Variants in DIS3L2 observed in about 807,000 individuals in gnomAD.
DIS3L2 encodes DIS3 like 3'-5' exoribonuclease 2.
In DIS3L2, 34 loss-of-function variants were observed where a neutral mutation model predicts 97.5. That is an observed-to-expected ratio of 0.35 (90% CI 0.27 to 0.46). The LOEUF (loss-of-function observed/expected upper bound fraction) is 0.46, where lower values mean the gene tolerates loss of function less well. Ranked by LOEUF, DIS3L2 falls within the 20% of genes least tolerant of loss-of-function variation. The probability of loss-of-function intolerance (pLI) is 1.00; values close to 1 mark genes in which losing one functional copy is unlikely to be tolerated. For synonymous variants in DIS3L2, 435 were observed against 445.2 expected (o/e 0.98, Z 0.29); for missense variants, 1,038 against 1,146.0 (o/e 0.91, Z 1.36).
rs1166379272 is a variant in DIS3L2 at position 232,015,001 on chromosome 2, C to T, written c.52+22C>T. The T allele has an allele frequency of 4.3e-6, 7 of 1,613,336 alleles. No individual in the cohort carries two copies. The East Asian group carries it at 1.6e-4, about 36-fold the overall frequency. The stretch of plus-strand genomic sequence containing the variant: ...AGAGGTAGTAAAAGGAAAATGGAGT[C>T]TGCCTGAATAACTGGAGAACTGAAA... On this transcript the variant is annotated intron_variant, in intron 2 of 20. Coordinates refer to ENST00000325385, the MANE Select transcript of DIS3L2 (RefSeq NM_152383.5).
intron 6 of DIS3L2, among the ~76,000 whole-genome samples, chr2:232,094,186 T>C (rs898061045): frequency 2.6e-5 from 4 of 152,176 alleles, no homozygotes; most frequent in Non-Finnish European, 5.9e-5. Context: ...GAAGATACTT[T>C]ATACTATTTC....
chr2:232,332,370 A>C (rs1695763538), intron 16 of DIS3L2, among the ~76,000 whole-genome samples: 1 of 152,164 alleles, frequency 6.6e-6, no homozygotes, highest in African/African-American at 2.4e-5. Flanking sequence ...GCCCGTGTGC[A>C]CAGAGTAACG....
rs577182797 is a variant in DIS3L2, at chr2:232,195,210, C to T, written c.1125-15116C>T. Among the ~76,000 whole-genome samples, 5 of 152,246 alleles carry T rather than the reference C, an allele frequency of 3.3e-5. No homozygotes were observed. The South Asian group carries it at 6.2e-4, about 19-fold the overall frequency. ...ATACTCAATTTAATAATAGAATCCC[C>T]GATTATCCTGAAATACAGCTGAAAT... is the stretch of plus-strand genomic sequence containing the variant. On this transcript the variant is annotated intron_variant, in intron 9 of 20. Coordinates refer to ENST00000325385, the MANE Select transcript of DIS3L2 (RefSeq NM_152383.5).
chr2:231,980,205 C>T (rs982813226), intron 1 of DIS3L2, among the ~76,000 whole-genome samples: 5 of 152,138 alleles, frequency 3.3e-5, no homozygotes, highest in African/African-American at 1.2e-4. Flanking sequence ...ATGTGAAATT[C>T]ACATCACATA....
At chr2:232,138,694 G>A (rs1250162713) in intron 8 of DIS3L2, among the ~76,000 whole-genome samples, 2 of 151,984 alleles carry the variant, frequency 1.3e-5, no homozygotes, top group Non-Finnish European at 2.9e-5. Flanking sequence ...CCTTATCTTT[G>A]CCAGGCTTTG....
chr2:232,342,367 T>C (rs1166055258), intron 13 of DIS3L2, among the ~76,000 whole-genome samples: 1 of 151,984 alleles, frequency 6.6e-6, no homozygotes, highest in Non-Finnish European at 1.5e-5. Context: ...GCAACAGTGG[T>C]AAATAGTAAA....
chr2:232,324,833 T>C (rs1695529373), intron 14 of DIS3L2, among the ~76,000 whole-genome samples: 1 of 152,156 alleles, frequency 6.6e-6, no homozygotes, highest in Admixed American at 6.5e-5. Context: ...CAAATTGAGA[T>C]TACATGAGCT....
intron 9 of DIS3L2, among the ~76,000 whole-genome samples, chr2:232,200,060 T>C (rs1691849008): frequency 1.3e-5 from 2 of 152,002 alleles, no homozygotes; most frequent in South Asian, 4.1e-4. Context: ...ACTTAATAGG[T>C]TTGTTGTTGT....
Position 232,336,729 on chromosome 2 carries a change from A to T in DIS3L2, c.*99A>T. The T allele has an allele frequency of 2.0e-6, 3 of 1,502,820 alleles. No homozygotes were observed. Among genetic ancestry groups the T allele is most frequent in the Non-Finnish European group, 2.6e-6 (3 of 1,137,146 alleles). 93.1% of individuals were successfully genotyped at this position (1,502,820 alleles called of 1,614,324 possible). ...GAGGGGGGTTTTTAATTTGGTTTTT[A>T]ACAACTCAGGGGTTTGTTTTTATTT... On this transcript the variant is annotated 3_prime_UTR_variant, in exon 21 of 21. Coordinates refer to ENST00000325385, the MANE Select transcript of DIS3L2 (RefSeq NM_152383.5).
intron 6 of DIS3L2, among the ~76,000 whole-genome samples, chr2:232,094,053 T>G (rs1182642314): frequency 6.6e-6 from 1 of 152,156 alleles, no homozygotes; most frequent in Admixed American, 6.5e-5. Flanking sequence ...ATCATTTGTT[T>G]CAAGAAATTT....
At chr2:231,972,052 G>T (rs1692932662) in intron 1 of DIS3L2, among the ~76,000 whole-genome samples, 4 of 151,664 alleles carry the variant, frequency 2.6e-5, no homozygotes. Context: ...GGGCGTGGTG[G>T]TGTGCACCTG....
intron 12 of DIS3L2, among the ~76,000 whole-genome samples, chr2:232,259,472 A>T (rs1693660665): frequency 6.6e-6 from 1 of 152,054 alleles, no homozygotes; most frequent in South Asian, 2.1e-4. Context: ...CAGAGGGGTG[A>T]GAAGGAGCTA....
chr2:232,227,130 G>T (rs1422400648), intron 10 of DIS3L2, among the ~76,000 whole-genome samples: 2 of 152,110 alleles, frequency 1.3e-5, no homozygotes, highest in Non-Finnish European at 2.9e-5. Context: ...TTCTGTAAAG[G>T]AATTACTTTC....
rs529146902 is a variant in DIS3L2, at chr2:232,261,144, T to G, written c.1426-2063T>G. Among the ~76,000 whole-genome samples the G allele has an allele frequency of 2.0e-5, 3 of 152,234 alleles. No homozygotes were observed. The South Asian group carries it at 6.2e-4, about 32-fold the overall frequency. The stretch of plus-strand genomic sequence containing the variant: ...TTGCCTCATGCTCAACTACATAGAT[T>G]GGGGTTCTGTGATAGTCATGCTCTC... On this transcript the variant is annotated intron_variant, in intron 12 of 20. Transcript: ENST00000325385.
intron 6 of DIS3L2, among the ~76,000 whole-genome samples, chr2:232,093,988 T>C (rs935899124): frequency 9.2e-5 from 14 of 152,138 alleles, no homozygotes; most frequent in African/African-American, 3.4e-4. Context: ...TTTTTTTTGA[T>C]GTAAGCACTG....
intron 9 of DIS3L2, among the ~76,000 whole-genome samples, chr2:232,192,650 G>T (rs755378524): frequency 6.6e-6 from 1 of 152,196 alleles, no homozygotes; most frequent in Non-Finnish European, 1.5e-5. Context: ...AGCTCTCTGA[G>T]CTCCCCCAGG....
At chr2:232,086,652 T>TACAC (rs1240618426) in intron 5 of DIS3L2, among the ~76,000 whole-genome samples, 5 of 49,648 alleles carry the variant, frequency 1.0e-4, no homozygotes, top group African/African-American at 5.8e-4. Flanking sequence ...TATGTATATA[T>TACAC]ATATATATGT....
intron 5 of DIS3L2, among the ~76,000 whole-genome samples, chr2:232,043,476 A>T (rs1247068368): frequency 1.3e-5 from 2 of 152,206 alleles, no homozygotes; most frequent in East Asian, 1.9e-4. Context: ...ACGCTGGACT[A>T]ATTAGATTCA....
chr2:231,976,141 T>C (rs539326235), intron 1 of DIS3L2, among the ~76,000 whole-genome samples: 1 of 152,280 alleles, frequency 6.6e-6, no homozygotes, highest in Non-Finnish European at 1.5e-5. Context: ...CATGGATGAA[T>C]TGCATAGTGG....
Sources: allele counts gnomAD v4.1 joint callset (sites outside exome capture counted in the v4.1 genomes callset), GRCh38; gene constraint gnomAD v4.1.1; transcripts MANE v1.5; gene names NCBI Gene and HGNC (gene_info 2026-07-23, HGNC 2026-07-21).